LRRK2: variants seen among roughly 807,000 people sequenced by gnomAD.
LRRK2 encodes leucine-rich repeat serine/threonine-protein kinase 2.
In LRRK2, 203 loss-of-function variants were observed where a neutral mutation model predicts 302.6. That is an observed-to-expected ratio of 0.67 (90% confidence interval 0.60 to 0.75). The LOEUF (loss-of-function observed/expected upper bound fraction) is 0.75. LRRK2 is among the 30% of genes least tolerant of loss of function. The pLI is 0.00. For missense variants in LRRK2, 2,830 were observed against 2,951.0 expected (o/e 0.96, Z 0.95); for synonymous variants, 1,066 against 1,031.9 (o/e 1.03, Z -0.63).
chr12:40,272,429 A>T (rs139390218), intron 14 of LRRK2, among the ~76,000 whole-genome samples: 1 of 152,286 alleles, frequency 6.6e-6, no homozygotes, highest in East Asian at 1.9e-4. Context: ...TTTCATCTGT[A>T]CTTCGGGACA....
intron 7 of LRRK2, among the ~76,000 whole-genome samples, chr12:40,244,663 T>C (rs960756309): frequency 6.7e-6 from 1 of 148,852 alleles, no homozygotes; most frequent in Non-Finnish European, 1.5e-5. Flanking sequence ...TTCTGGATAA[T>C]AATGTTTTGG....
Position 40,259,511 on chromosome 12 carries a change from G to T in LRRK2, c.1450G>T (p.Val484Phe), listed in dbSNP as rs764357084. ...NTSLDIMAAV[V>F]PKILTVMKRH... ...TTCCCTGGATATAATGGCAGCAGTGGTCCCCAAAATACTAACAGTTATGAA... is the reference window on the plus strand; with the variant it reads ...TTCCCTGGATATAATGGCAGCAGTGTTCCCCAAAATACTAACAGTTATGAA... Residue 484 changes from valine to phenylalanine, a missense_variant, in exon 13 of 51, where the codon GTC becomes TTC. Coordinates refer to ENST00000298910, the MANE Select transcript of LRRK2 (RefSeq NM_198578.4). 7.4e-6 allele frequency: 12 copies of T among 1,613,154 alleles called. No individual in the cohort carries two copies. Among genetic ancestry groups the T allele is most frequent in the Admixed American group, 1.7e-5 (1 of 59,928 alleles).
rs1278113661 is a variant in LRRK2, at chr12:40,321,180, C to T, written c.5162C>T (p.Ser1721Leu). The T allele has an allele frequency of 6.2e-7, 1 of 1,611,476 alleles. No homozygotes were observed. The highest frequency in any genetic ancestry group is 8.5e-7 in the Non-Finnish European group (1 of 1,178,246). Reference sequence around the variant, plus strand: ...CTTGAGATTTCACCTTACATGCTTTCAGGGAGAGGTAAGTATCTAATGAAG... The same window carrying T: ...CTTGAGATTTCACCTTACATGCTTTTAGGGAGAGGTAAGTATCTAATGAAG... ...RLLEISPYML[S>L]GRERALRPNR... is the part of the protein sequence containing the mutation. Residue 1721 changes from serine to leucine, a missense_variant, in exon 35 of 51, where the codon TCA becomes TTA. Transcript: ENST00000298910.
At position 40,244,759 on chromosome 12, in the gene LRRK2, G is replaced by A. The variant is rs12425063; in HGVS notation, c.838+1078G>A. On this transcript the variant is annotated intron_variant, in intron 7 of 50. Coordinates refer to ENST00000298910, the MANE Select transcript of LRRK2 (RefSeq NM_198578.4). ...GGGGTGGGGGGAGGGGGGAGGGATA[G>A]CATTGGGAGATATACCTAATGCTAG... is the stretch of plus-strand genomic sequence containing the variant. Among the ~76,000 whole-genome samples the A allele has an allele frequency of 6.0e-5, 9 of 149,584 alleles. No individual in the cohort carries two copies. The East Asian group carries it at 1.8e-3, about 30-fold the overall frequency.
intron 25 of LRRK2, among the ~76,000 whole-genome samples, chr12:40,301,892 A>G (rs1164320186): frequency 2.0e-5 from 3 of 152,072 alleles, no homozygotes; most frequent in Non-Finnish European, 4.4e-5. Flanking sequence ...ACAATTCATA[A>G]AGTAGGCCAG....
intron 13 of LRRK2, among the ~76,000 whole-genome samples, chr12:40,262,543 GGA>G (rs1942820616): frequency 6.6e-6 from 1 of 152,062 alleles, no homozygotes; most frequent in Non-Finnish European, 1.5e-5. Context: ...TAAGGTATCG[GGA>G]GATGATGAGA....
intron 16 of LRRK2, among the ~76,000 whole-genome samples, chr12:40,277,091 C>T (rs1041749439): frequency 1.3e-5 from 2 of 152,070 alleles, no homozygotes; most frequent in Admixed American, 1.3e-4. Flanking sequence ...TCCCACAGTG[C>T]TGAGATTACA....
At chr12:40,259,034 G>A (rs1338066500) in intron 12 of LRRK2, among the ~76,000 whole-genome samples, 2 of 152,144 alleles carry the variant, frequency 1.3e-5, no homozygotes, top group African/African-American at 4.8e-5. Flanking sequence ...GTCCAGTGAT[G>A]TTAATCTGGA....
chr12:40,237,735 A>C (rs1941530522), intron 4 of LRRK2, among the ~76,000 whole-genome samples: 1 of 152,298 alleles, frequency 6.6e-6, no homozygotes, highest in East Asian at 1.9e-4. Flanking sequence ...GACTCATGAA[A>C]TTATAGTAAA....
chr12:40,293,390 C>T (rs1384217611), intron 20 of LRRK2, among the ~76,000 whole-genome samples, 155 bp from the exon 21 acceptor site: 1 of 151,968 alleles, frequency 6.6e-6, no homozygotes, highest in Non-Finnish European at 1.5e-5. Flanking sequence ...GGCTTATCAT[C>T]TCTATTTTAA....
intron 35 of LRRK2, 70 bp downstream of exon 35, chr12:40,321,258 A>T: frequency 7.1e-7 from 1 of 1,410,038 alleles, no homozygotes; most frequent in East Asian, 2.4e-5. Flanking sequence ...TTTTAGAGAA[A>T]TTAGGGAGAT....
At chr12:40,234,192 G>A (rs1257419451) in intron 3 of LRRK2, among the ~76,000 whole-genome samples, 1 of 152,026 alleles carries the variant, frequency 6.6e-6, no homozygotes, top group Non-Finnish European at 1.5e-5. Flanking sequence ...TGGAGATTAT[G>A]CAACGTTTCT....
chr12:40,298,240 C>T lies in LRRK2; in HGVS notation c.3097-3C>T. On this transcript the variant is annotated splice_region_variant and splice_polypyrimidine_tract_variant and intron_variant, in intron 23 of 50. Transcript: ENST00000298910. The stretch of plus-strand genomic sequence containing the variant: ...TTAGAATTTTAAACTATTGTCTTTT[C>T]AGACTCTGAAGAGTTTGACACATTT... The T allele has an allele frequency of 1.2e-6, 2 of 1,612,896 alleles. No homozygotes were observed. Among genetic ancestry groups the T allele is most frequent in the Non-Finnish European group, 1.7e-6 (2 of 1,179,768 alleles).
At chr12:40,237,828 A>T in intron 4 of LRRK2, 141 bp from the exon 5 acceptor site, 1 of 736,322 alleles carries the variant, frequency 1.4e-6, no homozygotes, top group Non-Finnish European at 2.0e-6. Flanking sequence ...TTTATCAACA[A>T]ACAAACAAAC....
At chr12:40,267,030 G>A (rs1007189565) in intron 14 of LRRK2, among the ~76,000 whole-genome samples, 6 of 151,946 alleles carry the variant, frequency 3.9e-5, no homozygotes, top group African/African-American at 1.5e-4. Context: ...TATACCTAAT[G>A]TTAAATGACA....
chr12:40,261,195 A>G (rs2136528756), intron 13 of LRRK2, among the ~76,000 whole-genome samples: 1 of 152,304 alleles, frequency 6.6e-6, no homozygotes, highest in East Asian at 1.9e-4. Context: ...TTTTATTTTT[A>G]GATTGTAATT....
Position 40,237,178 on chromosome 12 carries a change from G to A in LRRK2, c.437-791G>A, listed in dbSNP as rs377585430. 7.2e-5 allele frequency among the ~76,000 whole-genome samples: 11 copies of A among 152,290 alleles called. No homozygotes were observed. The East Asian group carries it at 1.3e-3, about 19-fold the overall frequency. On this transcript the variant is annotated intron_variant, in intron 4 of 50. Coordinates refer to ENST00000298910, the MANE Select transcript of LRRK2 (RefSeq NM_198578.4). Reference sequence around the variant, plus strand: ...TTGGAGTGAAGACAATGTGCGGAAGGAAAGGAGCTGATGAGATACATGTAC... The same window carrying A: ...TTGGAGTGAAGACAATGTGCGGAAGAAAAGGAGCTGATGAGATACATGTAC...
intron 44 of LRRK2, among the ~76,000 whole-genome samples, chr12:40,352,926 C>T (rs1055075233): frequency 1.2e-4 from 19 of 152,368 alleles, no homozygotes; most frequent in Admixed American, 5.2e-4. Context: ...CTTTTCTACT[C>T]GACAAAACCG....
In LRRK2 at chr12:40,249,862, A is replaced by G; in HGVS notation, c.875A>G (p.His292Arg). Reference protein sequence around the residue: ...FFNILVLNEVHEFVVKAVQQY... With the variant: ...FFNILVLNEVREFVVKAVQQY... ...AATATCCTGGTATTAAACGAAGTCC[A>G]TGAGTTTGTGGTGAAAGCTGTGCAG... The change falls in exon 8 of 51, where the codon CAT becomes CGT. Residue 292 changes from histidine (H) to arginine (R), a missense_variant. By Grantham distance (29) the His-to-Arg change is conservative. Coordinates refer to ENST00000298910, the MANE Select transcript of LRRK2 (RefSeq NM_198578.4). 1.2e-6 allele frequency: 2 copies of G among 1,613,874 alleles called. No individual in the cohort carries two copies. The highest frequency in any genetic ancestry group is 1.1e-5 in the South Asian group (1 of 91,076).
Sources: gnomAD v4.1 joint callset for allele counts (sites outside exome capture counted in the v4.1 genomes callset) on GRCh38, gnomAD v4.1.1 for gene constraint, MANE v1.5 for transcripts, NCBI Gene and HGNC (gene_info 2026-07-23, HGNC 2026-07-21) for gene names.